TOP1: variants seen among roughly 807,000 people sequenced by gnomAD.
TOP1 encodes DNA topoisomerase 1.
In TOP1, 10 loss-of-function variants were observed where a neutral mutation model predicts 111.1. The observed-to-expected ratio is 0.09, with a 90% CI of 0.06 to 0.15. TOP1 has a LOEUF of 0.15. Among genes scored for constraint, TOP1 ranks in the 10% least tolerant of loss-of-function variants. TOP1 has a pLI of 1.00. For synonymous variants in TOP1, 271 were observed against 302.9 expected (o/e 0.89, Z 1.10); for missense variants, 474 against 926.7 (o/e 0.51, Z 6.34).
At chr20:41,060,089 A>G (rs542546774) in intron 2 of TOP1, among the ~76,000 whole-genome samples, 1 of 152,372 alleles carries the variant, frequency 6.6e-6, no homozygotes, top group African/African-American at 2.4e-5. Context: ...GAGATATACA[A>G]TGGTACAATT....
rs570622903 is a variant in TOP1, at chr20:41,049,551, A to C, written c.59-11843A>C. On this transcript the variant is annotated intron_variant, in intron 2 of 20. Transcript: ENST00000361337. ...CATTAGAGGCTGATTCTGGAACTTC[A>C]TGGAGGCAAGTCCAGTGAAACTTGG... is the stretch of plus-strand genomic sequence containing the variant. Among the ~76,000 whole-genome samples the C allele has an allele frequency of 1.5e-3, 224 of 152,320 alleles. 1 individual carries two copies. The highest frequency in any genetic ancestry group is 6.3e-4 in the Non-Finnish European group (43 of 68,024).
intron 8 of TOP1, among the ~76,000 whole-genome samples, chr20:41,091,330 A>G (rs1011440699): frequency 6.6e-6 from 1 of 152,222 alleles, no homozygotes; most frequent in Non-Finnish European, 1.5e-5. Flanking sequence ...ATCCTGGTCT[A>G]TAAAATAAAT....
intron 2 of TOP1, among the ~76,000 whole-genome samples, chr20:41,050,830 C>T (rs578128114): frequency 4.2e-4 from 64 of 152,252 alleles, no homozygotes; most frequent in Admixed American, 7.2e-4. Flanking sequence ...GTTATCTGTC[C>T]TAGACAGAAG....
Position 41,078,302 on chromosome 20 carries a change from C to G in TOP1, c.335+665C>G, listed in dbSNP as rs924149170. On this transcript the variant is annotated intron_variant, in intron 5 of 20. Transcript: ENST00000361337. This position sits in a 1 kb window ranked among gnomAD's most constrained non-coding sequence, Gnocchi z 5.3. ...CCTAAAATAAGCCCAGAGGTCCCCT[C>G]TAGTTTCGAAACAACTAGATGTTTA... is the stretch of plus-strand genomic sequence containing the variant. 2.0e-5 allele frequency among the ~76,000 whole-genome samples: 3 copies of G among 152,170 alleles called. No individual in the cohort carries two copies. The highest frequency in any genetic ancestry group is 4.4e-5 in the Non-Finnish European group (3 of 68,036).
intron 3 of TOP1, among the ~76,000 whole-genome samples, chr20:41,074,251 AAC>A (rs1312706006): frequency 6.6e-6 from 1 of 152,210 alleles, no homozygotes; most frequent in African/African-American, 2.4e-5. Context: ...TTTGGTAAAA[AAC>A]ACAGATTATG....
chr20:41,117,129 A>C (rs891799122), intron 17 of TOP1, among the ~76,000 whole-genome samples: 1 of 152,112 alleles, frequency 6.6e-6, no homozygotes, highest in Admixed American at 6.5e-5. Context: ...AGGCAGGAGA[A>C]TCACTTGAAC....
In TOP1 at chr20:41,095,506, C is replaced by T. The variant is rs1033090169; in HGVS notation, c.731-1714C>T. On this transcript the variant is annotated intron_variant, in intron 9 of 20. Coordinates refer to ENST00000361337, the MANE Select transcript of TOP1 (RefSeq NM_003286.4). This position sits in a 1 kb window ranked among gnomAD's most constrained non-coding sequence, Gnocchi z 4.6. ...CTTTTAATACACAGCCTATCTTCCC[C>T]GAAGTGTCTTTCTTCCAAAGCAGAA... Among the ~76,000 whole-genome samples, 14 of 152,126 alleles carry T rather than the reference C, an allele frequency of 9.2e-5. No homozygotes were observed. The highest frequency in any genetic ancestry group is 6.5e-5 in the Admixed American group (1 of 15,274).
chr20:41,121,084 C>T lies in TOP1; in HGVS notation c.1951-612C>T, dbSNP rs749560054. ...AACAGAATGCCAAAGCTAAGCCCTG[C>T]CATGTCCTGGTTTGGGACAGACTGG... On this transcript the variant is annotated intron_variant, in intron 18 of 20. Coordinates refer to ENST00000361337, the MANE Select transcript of TOP1 (RefSeq NM_003286.4). This position sits in a 1 kb window ranked among gnomAD's most constrained non-coding sequence, Gnocchi z 4.2. Among the ~76,000 whole-genome samples, 1 of 152,164 alleles carries T rather than the reference C, an allele frequency of 6.6e-6. No homozygotes were observed. The highest frequency in any genetic ancestry group is 1.5e-5 in the Non-Finnish European group (1 of 68,022).
intron 18 of TOP1, among the ~76,000 whole-genome samples, chr20:41,120,741 A>G (rs2034408948): frequency 6.6e-6 from 1 of 151,890 alleles, no homozygotes; most frequent in East Asian, 1.9e-4. Context: ...CCCACCTCAG[A>G]CTTCTCTCCT....
At position 41,100,090 on chromosome 20, in the gene TOP1, A is replaced by T; in HGVS notation, c.1010A>T (p.Glu337Val). 1 of 1,612,744 alleles carries T rather than the reference A, an allele frequency of 6.2e-7. No homozygotes were observed. The highest frequency in any genetic ancestry group is 8.5e-7 in the Non-Finnish European group (1 of 1,179,202). ...IKEENEKLLK[E>V]YGFCIMDNHK... ...GAGGAGAATGAAAAATTACTGAAAG[A>T]ATATGGATTCTGTATTATGGATAAC... The change falls in exon 12 of 21, where the codon GAA (glutamate) becomes GTA (valine). Residue 337 changes from glutamate to valine, a missense_variant. By Grantham distance (121) the Glu-to-Val change is moderately radical. Around this residue, in one of 14 missense-constraint regions of TOP1, gnomAD observed 14 missense variants for 66.1 expected, o/e 0.21. Coordinates refer to ENST00000361337, the MANE Select transcript of TOP1 (RefSeq NM_003286.4). This position sits in a 1 kb window ranked among gnomAD's most constrained non-coding sequence, Gnocchi z 4.4.
At position 41,097,220 on chromosome 20, in the gene TOP1, G is replaced by A. The variant is rs1193384220; in HGVS notation, c.731G>A (p.Gly244Asp). ...TTTTTGGAACCACTTTTTTCTCTAG[G>A]TAAAGTCATGAAGCTGAGCCCCAAA... ...LPENVKFYYD[G>D]KVMKLSPKAE... The change falls in exon 10 of 21, where the codon GGT becomes GAT. Residue 244 changes from glycine (G) to aspartate (D), a missense_variant and splice_region_variant. Physicochemically the swap from Gly to Asp is moderately conservative, Grantham distance 94 (BLOSUM62 -1). Coordinates refer to ENST00000361337, the MANE Select transcript of TOP1 (RefSeq NM_003286.4). The surrounding 1 kb of genome is among the most constrained non-coding windows in gnomAD (Gnocchi z 4.2). The A allele has an allele frequency of 1.2e-6, 2 of 1,612,890 alleles. No homozygotes were observed. The highest frequency in any genetic ancestry group is 1.7e-6 in the Non-Finnish European group (2 of 1,179,724).
chr20:41,036,035 C>T (rs2033180554), intron 2 of TOP1, among the ~76,000 whole-genome samples: 2 of 152,208 alleles, frequency 1.3e-5, no homozygotes, highest in African/African-American at 4.8e-5. Context: ...TTAGGCACCA[C>T]ATTTTTATGT....
rs986181223 is a variant in TOP1, at chr20:41,121,069, C to A, written c.1951-627C>A. Among the ~76,000 whole-genome samples, 1 of 152,134 alleles carries A rather than the reference C, an allele frequency of 6.6e-6. No homozygotes were observed. The highest frequency in any genetic ancestry group is 2.4e-5 in the African/African-American group (1 of 41,412). ...CGCTCTCCTTTTAAAAACAGAATGC[C>A]AAAGCTAAGCCCTGCCATGTCCTGG... On this transcript the variant is annotated intron_variant, in intron 18 of 20. Transcript: ENST00000361337. This position sits in a 1 kb window ranked among gnomAD's most constrained non-coding sequence, Gnocchi z 4.2.
intron 3 of TOP1, 89 bp from the exon 4 acceptor site, chr20:41,076,082 C>CTTAAACA: frequency 7.0e-7 from 1 of 1,420,410 alleles, no homozygotes; most frequent in South Asian, 1.4e-5. Context: ...TGTAAGTTTC[C>CTTAAACA]ACGGTTCATG....
chr20:41,073,408 A>T, intron 3 of TOP1: 1 of 984,882 alleles, frequency 1.0e-6, no homozygotes, highest in Non-Finnish European at 1.2e-6. Flanking sequence ...AAAAGAAAAG[A>T]AAAGAAACAA....
intron 4 of TOP1, among the ~76,000 whole-genome samples, chr20:41,077,356 T>A (rs577156435): frequency 6.6e-6 from 1 of 152,360 alleles, no homozygotes; most frequent in African/African-American, 2.4e-5. Context: ...GCTGCCATTT[T>A]TAAGGGAAAC....
At position 41,029,356 on chromosome 20, in the gene TOP1, C is replaced by T; in HGVS notation, c.34-75C>T. On this transcript the variant is annotated intron_variant, in intron 1 of 20. Coordinates refer to ENST00000361337, the MANE Select transcript of TOP1 (RefSeq NM_003286.4). This position sits in a 1 kb window ranked among gnomAD's most constrained non-coding sequence, Gnocchi z 6.1. Reference sequence around the variant, plus strand: ...CCCCGGGGGCGCAGGGTGAGCCAGACCCCGGCCGCGCGCGCTCGCCGCCGG... The same window carrying T: ...CCCCGGGGGCGCAGGGTGAGCCAGATCCCGGCCGCGCGCGCTCGCCGCCGG... The T allele has an allele frequency of 1.5e-6, 2 of 1,375,428 alleles. No homozygotes were observed. The highest frequency in any genetic ancestry group is 3.1e-5 in the South Asian group (2 of 64,442). 85.2% of individuals were successfully genotyped at this position (1,375,428 alleles called of 1,614,324 possible).
In TOP1 at chr20:41,124,389, T is replaced by C. The variant is rs2034463012; in HGVS notation, c.*1092T>C. 4.3e-6 allele frequency: 1 copy of C among 233,366 alleles called. No homozygotes were observed. The allele number at this position is 233,366 out of a possible 1,614,324, so 14.5% of individuals were successfully genotyped here. Reference sequence around the variant, plus strand: ...TAGTTTAGTGTGTGTGCAGAGTCCATTTCCCACATCTTTCCTCAAGTATCT... The same window carrying C: ...TAGTTTAGTGTGTGTGCAGAGTCCACTTCCCACATCTTTCCTCAAGTATCT... On this transcript the variant is annotated 3_prime_UTR_variant, in exon 21 of 21. Transcript: ENST00000361337. This position sits in a 1 kb window ranked among gnomAD's most constrained non-coding sequence, Gnocchi z 5.4.
chr20:41,111,844 G>T (rs1445003934), intron 13 of TOP1, among the ~76,000 whole-genome samples: 1 of 152,062 alleles, frequency 6.6e-6, no homozygotes, highest in Non-Finnish European at 1.5e-5. Flanking sequence ...GCTGTTTTAT[G>T]TAATTCCCTG....
Sources: allele counts gnomAD v4.1 joint callset (sites outside exome capture counted in the v4.1 genomes callset), GRCh38; gene constraint gnomAD v4.1.1; regional missense constraint gnomAD v4.1.1; non-coding constraint Gnocchi (gnomAD v3.1); transcripts MANE v1.5; gene names NCBI Gene and HGNC (gene_info 2026-07-23, HGNC 2026-07-21).